Variants in MYT1L observed in about 807,000 individuals in gnomAD.
MYT1L encodes myelin transcription factor 1-like protein.
In MYT1L, 12 loss-of-function variants were observed where a neutral mutation model predicts 126.7. That is an observed-to-expected ratio of 0.09 (90% CI 0.06 to 0.15). The LOEUF is 0.15. Ranked by LOEUF, MYT1L falls within the 10% of genes least tolerant of loss-of-function variation. The probability of loss-of-function intolerance (pLI) is 1.00; values close to 1 mark genes in which losing one functional copy is unlikely to be tolerated. For synonymous variants in MYT1L, 541 were observed against 604.2 expected (o/e 0.90, Z 1.53); for missense variants, 979 against 1,585.2 (o/e 0.62, Z 6.49).
At chr2:2,006,456 A>C (rs757477764) in intron 4 of MYT1L, among the ~76,000 whole-genome samples, 8 of 152,132 alleles carry the variant, frequency 5.3e-5, no homozygotes, top group Non-Finnish European at 1.2e-4. Flanking sequence ...TGGGCATTAG[A>C]TCTCTAGACT....
At chr2:2,140,040 C>G (rs559573929) in intron 3 of MYT1L, among the ~76,000 whole-genome samples, 1 of 152,270 alleles carries the variant, frequency 6.6e-6, no homozygotes, top group South Asian at 2.1e-4. Context: ...AGATTTCTCA[C>G]AGCAGAAATA....
chr2:2,206,300 C>G (rs556739538), intron 2 of MYT1L, among the ~76,000 whole-genome samples: 3 of 152,248 alleles, frequency 2.0e-5, no homozygotes, highest in Admixed American at 6.5e-5. Flanking sequence ...ACTTTCATGT[C>G]TTTGAACATC....
intron 8 of MYT1L, among the ~76,000 whole-genome samples, chr2:1,949,378 CCCTCCAAGCCAGCCTGGGCCATG>C (rs1276940012): frequency 6.6e-6 from 1 of 152,170 alleles, no homozygotes; most frequent in Non-Finnish European, 1.5e-5. Flanking sequence ...CACCCCCACC[CCCTCCAAGCCAGCCTGGGCCATG>C]CCTCCTGGGC....
intron 4 of MYT1L, among the ~76,000 whole-genome samples, chr2:2,037,606 A>C (rs1038467218): frequency 5.9e-5 from 9 of 151,786 alleles, no homozygotes; most frequent in Non-Finnish European, 8.8e-5. Context: ...AAATACAAAA[A>C]CTAGCTGGTC....
intron 4 of MYT1L, among the ~76,000 whole-genome samples, chr2:2,000,539 G>T (rs2062262867): frequency 6.6e-6 from 1 of 152,186 alleles, no homozygotes; most frequent in African/African-American, 2.4e-5. Flanking sequence ...CTGTCTCAGA[G>T]GGACCACAGG....
intron 2 of MYT1L, among the ~76,000 whole-genome samples, chr2:2,201,276 A>G (rs1453865070): frequency 6.6e-6 from 1 of 152,214 alleles, no homozygotes; most frequent in East Asian, 1.9e-4. Context: ...GGCTTACACA[A>G]CTGCTCCAGA....
chr2:2,211,284 C>T (rs1392957834), intron 2 of MYT1L, among the ~76,000 whole-genome samples: 5 of 152,130 alleles, frequency 3.3e-5, no homozygotes, highest in African/African-American at 7.2e-5. Flanking sequence ...TAACAATGAC[C>T]ACGTTTTTAA....
chr2:2,211,838 CT>C lies in MYT1L; in HGVS notation c.-420-38851del, dbSNP rs770847309. 5.4e-3 allele frequency among the ~76,000 whole-genome samples: 742 copies of C among 138,544 alleles called. 5 individuals are homozygous for C. Among genetic ancestry groups the C allele is most frequent in the Middle Eastern group, 0.015 (4 of 270 alleles). 90.9% of individuals were successfully genotyped at this position (138,544 alleles called of 152,430 possible). On this transcript the variant is annotated intron_variant, in intron 2 of 24. Coordinates refer to ENST00000647738, the MANE Select transcript of MYT1L (RefSeq NM_001303052.2). ...AAAAAAAAACCAAACAAAAAAAAAA[CT>C]GACAATGCTTCTAGAACATTATAAC...
chr2:2,106,008 A>C (rs759916724), intron 3 of MYT1L, among the ~76,000 whole-genome samples: 4 of 152,170 alleles, frequency 2.6e-5, no homozygotes, highest in Non-Finnish European at 4.4e-5. Flanking sequence ...TTGAAAAGAA[A>C]GTCAAACACC....
At chr2:1,954,895 G>A (rs2058200766) in intron 8 of MYT1L, among the ~76,000 whole-genome samples, 2 of 151,372 alleles carry the variant, frequency 1.3e-5, no homozygotes, top group South Asian at 2.1e-4. Flanking sequence ...GTGAAACCCT[G>A]TCTCTACTTA....
rs563902119 is a variant in MYT1L at position 1,852,865 on chromosome 2, C to T, written c.2712-1162G>A. 6.6e-6 allele frequency among the ~76,000 whole-genome samples: 1 copy of T among 152,300 alleles called. No individual in the cohort carries two copies. The highest frequency in any genetic ancestry group is 2.4e-5 in the African/African-American group (1 of 41,566). ...AAAATATTTTAATACATGTCTACTG[C>T]TCCTAGAGATTTCAATTTGCTTTCC... On this transcript the variant is annotated intron_variant, in intron 18 of 24. Coordinates refer to ENST00000647738, the MANE Select transcript of MYT1L (RefSeq NM_001303052.2). This position sits in a 1 kb window ranked among gnomAD's most constrained non-coding sequence, Gnocchi z 4.0.
intron 2 of MYT1L, among the ~76,000 whole-genome samples, chr2:2,250,574 A>G: frequency 6.6e-6 from 1 of 151,818 alleles, no homozygotes; most frequent in Admixed American, 6.6e-5. Context: ...AAAAAAAAAA[A>G]AGGACAAATA....
rs2053001005 is a variant in MYT1L, at chr2:1,917,431, A to C, written c.1484-92T>G. 2 of 1,461,748 alleles carry C rather than the reference A, an allele frequency of 1.4e-6. No individual in the cohort carries two copies. Among genetic ancestry groups the C allele is most frequent in the African/African-American group, 2.8e-5 (2 of 71,028 alleles). The allele number at this position is 1,461,748 out of a possible 1,614,324, so 90.5% of individuals were successfully genotyped here. On this transcript the variant is annotated intron_variant, in intron 10 of 24. Coordinates refer to ENST00000647738, the MANE Select transcript of MYT1L (RefSeq NM_001303052.2). This position sits in a 1 kb window ranked among gnomAD's most constrained non-coding sequence, Gnocchi z 5.9. ...CAATCTGAAGAAACCTTGCTAAAGA[A>C]AGAAATAAAGCAGGTGTCGGGGGCT...
intron 9 of MYT1L, among the ~76,000 whole-genome samples, chr2:1,926,468 T>C (rs1236941842): frequency 6.6e-6 from 1 of 152,220 alleles, no homozygotes; most frequent in East Asian, 1.9e-4. Context: ...GATCAGAATT[T>C]TCTGGGCCAG....
Position 1,910,460 on chromosome 2 carries a change from G to C in MYT1L, c.1710-113C>G. 1.0e-6 allele frequency: 1 copy of C among 959,048 alleles called. No individual in the cohort carries two copies. The highest frequency in any genetic ancestry group is 2.1e-4 in the Middle Eastern group (1 of 4,778). 59.4% of individuals were successfully genotyped at this position (959,048 alleles called of 1,614,324 possible). A position where few individuals can be genotyped will look rare whatever the true frequency, so the allele number is the denominator to read the frequency against. On this transcript the variant is annotated intron_variant, in intron 12 of 24. Transcript: ENST00000647738. This position sits in a 1 kb window ranked among gnomAD's most constrained non-coding sequence, Gnocchi z 4.8. Reference sequence around the variant, plus strand: ...AGGTGGAGCTGGTGAGGGAGGGGTAGTTTCCCAAACCTGGCACAGGCAGTC... The same window carrying C: ...AGGTGGAGCTGGTGAGGGAGGGGTACTTTCCCAAACCTGGCACAGGCAGTC...
chr2:2,104,296 TAATCTC>T (rs2150510087), intron 3 of MYT1L, among the ~76,000 whole-genome samples: 1 of 152,346 alleles, frequency 6.6e-6, no homozygotes, highest in African/African-American at 2.4e-5. Context: ...ACAGAGGTGT[TAATCTC>T]AATTGATGAT....
At chr2:1,952,200 T>A (rs2060196) in intron 8 of MYT1L, among the ~76,000 whole-genome samples, 46,077 of 152,064 alleles carry the variant, frequency 0.3, 7,611 homozygotes, top group African/African-American at 0.45. Flanking sequence ...AATTTAAAAA[T>A]AATCTCAGTT....
At chr2:2,249,641 C>A (rs991803281) in intron 2 of MYT1L, among the ~76,000 whole-genome samples, 1 of 151,996 alleles carries the variant, frequency 6.6e-6, no homozygotes, top group East Asian at 1.9e-4. Context: ...TAATACCCCA[C>A]AAACACAAGC....
intron 2 of MYT1L, among the ~76,000 whole-genome samples, chr2:2,205,832 T>C (rs772960768): frequency 9.9e-5 from 15 of 152,164 alleles, no homozygotes; most frequent in Admixed American, 2.0e-4. Context: ...AATCCTTACG[T>C]GGTCAACCAA....
Sources: allele counts gnomAD v4.1 joint callset (sites outside exome capture counted in the v4.1 genomes callset), GRCh38; gene constraint gnomAD v4.1.1; non-coding constraint Gnocchi (gnomAD v3.1); transcripts MANE v1.5; gene names NCBI Gene and HGNC (gene_info 2026-07-23, HGNC 2026-07-21).